Variants in INPP4B observed in about 807,000 individuals in gnomAD.
INPP4B encodes inositol polyphosphate 4-phosphatase type II.
Under a neutral mutation model 122.5 loss-of-function variants are expected in INPP4B, and 55 were observed. The observed-to-expected ratio is 0.45, with a 90% confidence interval of 0.36 to 0.56. The LOEUF is 0.56. Ranked by LOEUF, INPP4B falls within the 20% of genes least tolerant of loss-of-function variation. The pLI is 0.00. For synonymous variants in INPP4B, 403 were observed against 388.7 expected (o/e 1.04, Z -0.43); for missense variants, 1,000 against 1,097.7 (o/e 0.91, Z 1.26).
chr4:142,084,130 T>G (rs1775534618), intron 24 of INPP4B, among the ~76,000 whole-genome samples: 1 of 152,152 alleles, frequency 6.6e-6, no homozygotes, highest in Non-Finnish European at 1.5e-5. Context: ...TTATTTTTAT[T>G]ATTATTATTT....
intron 15 of INPP4B, among the ~76,000 whole-genome samples, chr4:142,177,261 GAA>G (rs10582712): frequency 0.73 from 111,532 of 151,780 alleles, 41,165 homozygotes; most frequent in Admixed American, 0.77. Context: ...GTATGGTATG[GAA>G]AAAAAAAATC....
intron 25 of INPP4B, among the ~76,000 whole-genome samples, chr4:142,063,668 T>A (rs1762120111): frequency 1.3e-5 from 2 of 152,172 alleles, no homozygotes; most frequent in Non-Finnish European, 2.9e-5. Context: ...TTTTCCCTAG[T>A]ACTAGTATGC....
chr4:142,505,354 GC>G (rs1823888586), intron 2 of INPP4B, among the ~76,000 whole-genome samples: 1 of 151,892 alleles, frequency 6.6e-6, no homozygotes, highest in Non-Finnish European at 1.5e-5. Flanking sequence ...TGTTTTAAAA[GC>G]TTTTTCCTCA....
chr4:142,374,976 C>T (rs1791301126), intron 7 of INPP4B, among the ~76,000 whole-genome samples: 2 of 151,824 alleles, frequency 1.3e-5, no homozygotes, highest in South Asian at 2.1e-4. Flanking sequence ...GTTCTGGAAC[C>T]CTCACTTAAA....
At chr4:142,139,887 A>C (rs555407759) in intron 18 of INPP4B, among the ~76,000 whole-genome samples, 3 of 152,204 alleles carry the variant, frequency 2.0e-5, no homozygotes, top group Non-Finnish European at 4.4e-5. Flanking sequence ...CATGCTGCCC[A>C]GGTTGGTCTC....
chr4:142,727,650 G>T (rs1216957271), intron 1 of INPP4B, among the ~76,000 whole-genome samples: 1 of 152,188 alleles, frequency 6.6e-6, no homozygotes, highest in Non-Finnish European at 1.5e-5. Flanking sequence ...GAAGGCCAAG[G>T]TGGGAGGATT....
At chr4:142,644,265 G>A (rs1226948107) in intron 2 of INPP4B, among the ~76,000 whole-genome samples, 4 of 145,988 alleles carry the variant, frequency 2.7e-5, no homozygotes, top group African/African-American at 1.0e-4. Context: ...AGGGGGTCAG[G>A]AGGAGGAGGA....
intron 1 of INPP4B, among the ~76,000 whole-genome samples, chr4:142,813,649 T>C (rs752651413): frequency 1.1e-4 from 17 of 152,168 alleles, no homozygotes; most frequent in Non-Finnish European, 1.8e-4. Flanking sequence ...TGGCACATAT[T>C]ATAGATCTGA....
At chr4:142,393,102 T>C (rs146988748) in intron 7 of INPP4B, among the ~76,000 whole-genome samples, 1 of 152,094 alleles carries the variant, frequency 6.6e-6, no homozygotes, top group Non-Finnish European at 1.5e-5. Context: ...CTGAAAGAAA[T>C]GTAAGACCCT....
At chr4:142,172,007 TC>T (rs1418643637) in intron 16 of INPP4B, among the ~76,000 whole-genome samples, 2 of 151,762 alleles carry the variant, frequency 1.3e-5, no homozygotes, top group Non-Finnish European at 2.9e-5. Context: ...CATCTATAAA[TC>T]CAAAAAAGAA....
At chr4:142,598,974 T>C (rs915650404) in intron 2 of INPP4B, among the ~76,000 whole-genome samples, 2 of 152,174 alleles carry the variant, frequency 1.3e-5, no homozygotes, top group Non-Finnish European at 2.9e-5. Flanking sequence ...ATGTGAAAGG[T>C]GGGATCCATC....
At chr4:142,537,164 A>G (rs1202604131) in intron 2 of INPP4B, among the ~76,000 whole-genome samples, 1 of 151,854 alleles carries the variant, frequency 6.6e-6, no homozygotes, top group African/African-American at 2.4e-5. Context: ...GGTGATATAT[A>G]TTCAAACTGA....
chr4:142,696,544 C>T (rs1240893700), intron 2 of INPP4B, among the ~76,000 whole-genome samples: 1 of 152,210 alleles, frequency 6.6e-6, no homozygotes, highest in African/African-American at 2.4e-5. Flanking sequence ...CAAACTACAC[C>T]TTCAGTGCTT....
chr4:142,347,931 T>C (rs2151771707), intron 7 of INPP4B, among the ~76,000 whole-genome samples: 1 of 152,108 alleles, frequency 6.6e-6, no homozygotes, highest in Admixed American at 6.6e-5. Flanking sequence ...AGGAAAGAGA[T>C]GAGGAAGCAA....
intron 8 of INPP4B, among the ~76,000 whole-genome samples, chr4:142,312,602 C>A (rs1306084994): frequency 6.6e-6 from 1 of 152,154 alleles, no homozygotes; most frequent in African/African-American, 2.4e-5. Context: ...GAACAGCCTG[C>A]ATTTCTTCCA....
chr4:142,121,227 G>A lies in INPP4B; in HGVS notation c.2135+901C>T, dbSNP rs190803142. On this transcript the variant is annotated intron_variant, in intron 21 of 25. Transcript: ENST00000262992. ...AAATATTTAGTTTCTGAGGATGTGG[G>A]TTTTTTTGTGAGTAAGAAAGTCACC... Among the ~76,000 whole-genome samples the A allele has an allele frequency of 1.1e-3, 172 of 151,970 alleles. 1 individual carries two copies. The highest frequency in any genetic ancestry group is 3.4e-3 in the Middle Eastern group (1 of 294).
chr4:142,423,953 G>A, intron 5 of INPP4B: 1 of 319,560 alleles, frequency 3.1e-6, no homozygotes, highest in Non-Finnish European at 6.0e-6. Flanking sequence ...AAGATGGCGG[G>A]CCTTTCTATA....
At chr4:142,423,942 C>T (rs1383355829) in intron 5 of INPP4B, 1 of 327,600 alleles carries the variant, frequency 3.1e-6, no homozygotes, top group African/African-American at 2.2e-5. Flanking sequence ...TCTAGAAATA[C>T]AAGATGGCGG....
chr4:142,650,167 G>A (rs914909001), intron 2 of INPP4B, among the ~76,000 whole-genome samples: 1 of 152,182 alleles, frequency 6.6e-6, no homozygotes, highest in Admixed American at 6.5e-5. Context: ...AGCAAATGCT[G>A]AGAGATTCTG....
Sources: gnomAD v4.1 joint callset for allele counts (sites outside exome capture counted in the v4.1 genomes callset) on GRCh38, gnomAD v4.1.1 for gene constraint, MANE v1.5 for transcripts, NCBI Gene and HGNC (gene_info 2026-07-23, HGNC 2026-07-21) for gene names.